TTLL11: variants seen among roughly 807,000 people sequenced by gnomAD.
TTLL11 encodes the protein tubulin tyrosine ligase like 11, also known as tubulin polyglutamylase TTLL11.
Under a neutral mutation model 51.7 loss-of-function variants are expected in TTLL11, and 42 were observed. The observed-to-expected ratio is 0.81, with a 90% CI of 0.64 to 1.05. The LOEUF (loss-of-function observed/expected upper bound fraction) is 1.05, where lower values mean the gene tolerates loss of function less well. TTLL11 is among the 50% of genes least tolerant of loss of function. TTLL11 has a pLI of 0.00. For missense variants in TTLL11, 799 were observed against 940.4 expected (o/e 0.85, Z 1.97); for synonymous variants, 381 against 383.5 (o/e 0.99, Z 0.08).
rs57775265 is a variant in TTLL11 at position 122,000,471 on chromosome 9, C to CAAAAA, written c.694-10706_694-10702dup. On this transcript the variant is annotated intron_variant, in intron 3 of 8. Coordinates refer to ENST00000321582, the MANE Select transcript of TTLL11 (RefSeq NM_001139442.2). ...TGGGTGACAGAGTGAGACTCCGTCG[C>CAAAAA]AAAAAAAAAAAAAAAAAAAAAAAAA... is the stretch of plus-strand genomic sequence containing the variant. Among the ~76,000 whole-genome samples the CAAAAA allele has an allele frequency of 1.3e-3, 30 of 22,814 alleles. 3 individuals are homozygous for CAAAAA. Among genetic ancestry groups the CAAAAA allele is most frequent in the East Asian group, 6.6e-3 (3 of 458 alleles). The allele number at this position is 22,814 out of a possible 152,430, so 15.0% of individuals were successfully genotyped here.
chr9:121,830,986 G>A (rs1368344545), intron 8 of TTLL11, among the ~76,000 whole-genome samples: 1 of 152,184 alleles, frequency 6.6e-6, no homozygotes, highest in African/African-American at 2.4e-5. Context: ...CTGACATGGT[G>A]GCTTGGACCA....
At chr9:122,017,221 C>T (rs1251997593) in intron 3 of TTLL11, among the ~76,000 whole-genome samples, 1 of 152,170 alleles carries the variant, frequency 6.6e-6, no homozygotes, top group East Asian at 1.9e-4. Flanking sequence ...TTCTGAGGCA[C>T]TGTCAGGACA....
rs188479660 is a variant in TTLL11 at position 122,048,048 on chromosome 9, C to T, written c.463-8680G>A. Among the ~76,000 whole-genome samples, 171 of 152,288 alleles carry T rather than the reference C, an allele frequency of 1.1e-3. 1 individual carries two copies. Among genetic ancestry groups the T allele is most frequent in the African/African-American group, 3.9e-3 (164 of 41,552 alleles). On this transcript the variant is annotated intron_variant, in intron 1 of 8. Coordinates refer to ENST00000321582, the MANE Select transcript of TTLL11 (RefSeq NM_001139442.2). ...CTTCCTGAATCCCCACTGCCTCTGC[C>T]TTACTTCAGGGCCTCATCTCTCACC... is the stretch of plus-strand genomic sequence containing the variant.
At chr9:121,982,346 T>C (rs1403217035) in intron 4 of TTLL11, among the ~76,000 whole-genome samples, 3 of 152,218 alleles carry the variant, frequency 2.0e-5, no homozygotes, top group Non-Finnish European at 2.9e-5. Flanking sequence ...AAGGAGGTTA[T>C]TGTTACTCCC....
chr9:121,981,170 C>CTT (rs1842820279), intron 4 of TTLL11, among the ~76,000 whole-genome samples: 1 of 151,410 alleles, frequency 6.6e-6, no homozygotes, highest in Non-Finnish European at 1.5e-5. Context: ...CTCTCTTCTG[C>CTT]CCTGGGACTT....
At chr9:121,965,880 G>A (rs1385616682) in intron 6 of TTLL11, among the ~76,000 whole-genome samples, 1 of 152,164 alleles carries the variant, frequency 6.6e-6, no homozygotes, top group Non-Finnish European at 1.5e-5. Flanking sequence ...TTCCTTGGTT[G>A]TACGACAAGG....
intron 1 of TTLL11, among the ~76,000 whole-genome samples, chr9:122,058,943 G>A (rs1476325328): frequency 1.3e-5 from 2 of 152,158 alleles, no homozygotes; most frequent in Non-Finnish European, 2.9e-5. Context: ...TGATCAGCTG[G>A]CGTGGTCTAT....
At position 121,867,482 on chromosome 9, in the gene TTLL11, C is replaced by T. The variant is rs1056558768; in HGVS notation, c.1733+3015G>A. On this transcript the variant is annotated intron_variant, in intron 7 of 8. Coordinates refer to ENST00000321582, the MANE Select transcript of TTLL11 (RefSeq NM_001139442.2). ...ACCATAAGCAATTTTTCAAATCTCC[C>T]CCTCTCTCGAATCTGCCCCTCTCTC... Among the ~76,000 whole-genome samples the T allele has an allele frequency of 2.6e-5, 4 of 152,260 alleles. No homozygotes were observed. The East Asian group carries it at 7.7e-4, about 29-fold the overall frequency.
At chr9:121,896,828 G>A (rs969667566) in intron 6 of TTLL11, among the ~76,000 whole-genome samples, 6 of 152,144 alleles carry the variant, frequency 3.9e-5, no homozygotes, top group Non-Finnish European at 8.8e-5. Flanking sequence ...TCTGTTTGTG[G>A]GTGTCATGGC....
chr9:121,859,375 C>T (rs1187496538), intron 8 of TTLL11, among the ~76,000 whole-genome samples: 1 of 151,372 alleles, frequency 6.6e-6, no homozygotes, highest in East Asian at 1.9e-4. Flanking sequence ...GTGGCTTGCA[C>T]CTGTAATCCC....
At chr9:121,921,995 G>A (rs1260467906) in intron 6 of TTLL11, among the ~76,000 whole-genome samples, 1 of 152,190 alleles carries the variant, frequency 6.6e-6, no homozygotes, top group Non-Finnish European at 1.5e-5. Flanking sequence ...CAAGGATCAT[G>A]AGATAACATC....
At position 121,889,015 on chromosome 9, in the gene TTLL11, C is replaced by A. The variant is rs1442064279; in HGVS notation, c.1482-18267G>T. On this transcript the variant is annotated intron_variant, in intron 6 of 8. Transcript: ENST00000321582. The stretch of plus-strand genomic sequence containing the variant: ...AAATGCTAGAGCATGGATTTTAGTC[C>A]AGGTCTGTGCTGTTTTACCTGGATT... Among the ~76,000 whole-genome samples, 4 of 152,180 alleles carry A rather than the reference C, an allele frequency of 2.6e-5. No individual in the cohort carries two copies. The East Asian group carries it at 7.7e-4, about 29-fold the overall frequency.
intron 6 of TTLL11, among the ~76,000 whole-genome samples, chr9:121,922,476 A>C (rs960753622): frequency 6.6e-6 from 1 of 152,216 alleles, no homozygotes; most frequent in South Asian, 2.1e-4. Context: ...CTACCTTGAG[A>C]GCAAGCTGAC....
At chr9:121,827,549 C>T (rs751866712) in intron 8 of TTLL11, among the ~76,000 whole-genome samples, 1 of 152,204 alleles carries the variant, frequency 6.6e-6, no homozygotes, top group Non-Finnish European at 1.5e-5. Context: ...CTTCTCTGGC[C>T]ATGGGCTGTC....
chr9:121,873,973 T>A (rs138104628), intron 6 of TTLL11, among the ~76,000 whole-genome samples: 9,788 of 151,128 alleles, frequency 0.065, 339 homozygotes, highest in Middle Eastern at 0.14. Flanking sequence ...GCCTCCTGAG[T>A]AGCTGGGATT....
intron 8 of TTLL11, among the ~76,000 whole-genome samples, chr9:121,834,664 T>C (rs191569766): frequency 5.9e-5 from 9 of 152,030 alleles, no homozygotes; most frequent in Admixed American, 5.9e-4. Context: ...CCGTCTCTAC[T>C]AAAAATACAA....
intron 1 of TTLL11, among the ~76,000 whole-genome samples, chr9:122,052,823 G>A (rs968555057): frequency 1.3e-5 from 2 of 152,118 alleles, no homozygotes; most frequent in African/African-American, 2.4e-5. Flanking sequence ...CAGGAACTTG[G>A]ATTCAAATCT....
rs1337145451 is a variant in TTLL11, at chr9:122,092,946, G to A, written c.203C>T (p.Ala68Val). Residue 68 changes from alanine to valine, a missense_variant, in exon 1 of 9, where the codon GCG becomes GTG. Physicochemically the swap from Ala to Val is moderately conservative, Grantham distance 64 (BLOSUM62 0). Around this residue, in one of 3 missense-constraint regions of TTLL11, gnomAD observed 166 missense variants for 161.6 expected, o/e 1.03. Coordinates refer to ENST00000321582, the MANE Select transcript of TTLL11 (RefSeq NM_001139442.2). ...CCCCTCCTCAGCCGCACTGGGCTGC[G>A]CCGGGGCCGGGGCCAGGACCTTGGG... ...EQPKVLAPAPAQPSAAEEGNT... is the reference protein window; with the variant it reads ...EQPKVLAPAPVQPSAAEEGNT... The A allele has an allele frequency of 5.7e-6, 9 of 1,577,434 alleles. No individual in the cohort carries two copies. Among genetic ancestry groups the A allele is most frequent in the African/African-American group, 1.4e-5 (1 of 73,418 alleles).
At chr9:121,943,845 G>A (rs1378044853) in intron 6 of TTLL11, among the ~76,000 whole-genome samples, 1 of 152,158 alleles carries the variant, frequency 6.6e-6, no homozygotes, top group Non-Finnish European at 1.5e-5. Context: ...TAGCCTTACA[G>A]GTCTATCCCC....
Sources: allele counts gnomAD v4.1 joint callset (sites outside exome capture counted in the v4.1 genomes callset), GRCh38; gene constraint gnomAD v4.1.1; regional missense constraint gnomAD v4.1.1; transcripts MANE v1.5; gene names NCBI Gene and HGNC (gene_info 2026-07-23, HGNC 2026-07-21).